BMP2K: variants seen among roughly 807,000 people sequenced by gnomAD.
BMP2K encodes BMP2 inducible kinase.
In BMP2K, 74 loss-of-function variants were observed where a neutral mutation model predicts 116.0. The observed-to-expected ratio is 0.64, with a 90% CI of 0.53 to 0.77. BMP2K has a LOEUF of 0.77. Ranked by LOEUF, BMP2K falls within the 30% of genes least tolerant of loss-of-function variation. The pLI, the probability that BMP2K is intolerant of heterozygous loss-of-function variation, is 0.00. For synonymous variants in BMP2K, 486 were observed against 502.5 expected (o/e 0.97, Z 0.44); for missense variants, 1,365 against 1,403.6 (o/e 0.97, Z 0.44).
chr4:78,819,737 G>T (rs1215223693), intron 1 of BMP2K, among the ~76,000 whole-genome samples: 1 of 152,090 alleles, frequency 6.6e-6, no homozygotes, highest in African/African-American at 2.4e-5. Context: ...AAGAAATTTA[G>T]CGGAACATTT....
chr4:78,829,773 T>TTC (rs1370773856), intron 2 of BMP2K, among the ~76,000 whole-genome samples: 18 of 105,220 alleles, frequency 1.7e-4, no homozygotes, highest in African/African-American at 6.9e-4. Flanking sequence ...TTCTTTTCTT[T>TTC]TCTTTTCTTT....
chr4:78,871,828 T>C (rs1237798670), intron 11 of BMP2K, 22 bp from the exon 12 acceptor site: 6 of 1,552,878 alleles, frequency 3.9e-6, no homozygotes, highest in Non-Finnish European at 5.3e-6. Context: ...TAACATTTAT[T>C]AATTTGATTT....
chr4:78,891,751 G>A (rs1290401014), intron 15 of BMP2K, among the ~76,000 whole-genome samples: 2 of 152,108 alleles, frequency 1.3e-5, no homozygotes, highest in Non-Finnish European at 2.9e-5. Context: ...AAGAGTTTCA[G>A]CAAATTATTG....
At chr4:78,865,517 A>G in intron 9 of BMP2K, 40 bp from the exon 10 acceptor site, 1 of 1,576,008 alleles carries the variant, frequency 6.3e-7, no homozygotes, top group Non-Finnish European at 8.7e-7. Flanking sequence ...AATTAGAAAT[A>G]ATCCCAGTAT....
chr4:78,889,992 T>C (rs937518706), intron 15 of BMP2K, among the ~76,000 whole-genome samples: 1 of 152,228 alleles, frequency 6.6e-6, no homozygotes, highest in African/African-American at 2.4e-5. Flanking sequence ...GGAATTGTGC[T>C]CTTTTTATTT....
chr4:78,847,183 G>T lies in BMP2K; in HGVS notation c.669-5G>T. ...CTCCACTCCATTTCACTCATTTACTGCCAGGTATACAACTCTGTCATACAG... is the reference window on the plus strand; with the variant it reads ...CTCCACTCCATTTCACTCATTTACTTCCAGGTATACAACTCTGTCATACAG... On this transcript the variant is annotated splice_region_variant and splice_polypyrimidine_tract_variant and intron_variant, in intron 5 of 15. Transcript: ENST00000502613. 1 of 1,479,086 alleles carries T rather than the reference G, an allele frequency of 6.8e-7. No homozygotes were observed. Among genetic ancestry groups the T allele is most frequent in the Non-Finnish European group, 9.0e-7 (1 of 1,108,594 alleles). 91.6% of individuals were successfully genotyped at this position (1,479,086 alleles called of 1,614,324 possible).
intron 1 of BMP2K, among the ~76,000 whole-genome samples, chr4:78,813,686 C>G (rs553412246): frequency 6.6e-6 from 1 of 152,188 alleles, no homozygotes; most frequent in Non-Finnish European, 1.5e-5. Context: ...TTCTTCCTAT[C>G]TTTACTCAAA....
At chr4:78,799,523 G>GT (rs1728465604) in intron 1 of BMP2K, among the ~76,000 whole-genome samples, 1 of 152,162 alleles carries the variant, frequency 6.6e-6, no homozygotes, top group African/African-American at 2.4e-5. Context: ...AAGAATTTGT[G>GT]TTTTTAGCTT....
rs1245924149 is a variant in BMP2K, at chr4:78,887,293, C to T, written c.2062+9C>T. ...TTTCATTTCTCATTCAGGCAAGTTACACATGTAACATCATCACTGTCACAA... is the reference window on the plus strand; with the variant it reads ...TTTCATTTCTCATTCAGGCAAGTTATACATGTAACATCATCACTGTCACAA... On this transcript the variant is annotated intron_variant, in intron 15 of 15. Transcript: ENST00000502613. The T allele has an allele frequency of 1.9e-6, 3 of 1,556,808 alleles. No homozygotes were observed. Among genetic ancestry groups the T allele is most frequent in the Non-Finnish European group, 2.6e-6 (3 of 1,134,506 alleles).
chr4:78,865,762 TTAA>T, intron 10 of BMP2K, 42 bp downstream of exon 10: 1 of 1,566,358 alleles, frequency 6.4e-7, no homozygotes, highest in South Asian at 1.1e-5. Flanking sequence ...AAGGTTAATG[TTAA>T]TAAACCTTTC....
chr4:78,893,382 A>G (rs1459358967), intron 15 of BMP2K, among the ~76,000 whole-genome samples: 2 of 152,170 alleles, frequency 1.3e-5, no homozygotes, highest in Non-Finnish European at 2.9e-5. Flanking sequence ...ATCATCCATG[A>G]GGGTTGGAGT....
At chr4:78,909,798 A>G (rs1033027522) in intron 15 of BMP2K, among the ~76,000 whole-genome samples, 2 of 152,050 alleles carry the variant, frequency 1.3e-5, no homozygotes, top group Non-Finnish European at 2.9e-5. Context: ...CTGACTGTAA[A>G]CCCCTGAAAG....
chr4:78,885,220 T>TA (rs1216006991), intron 14 of BMP2K, among the ~76,000 whole-genome samples: 2 of 152,230 alleles, frequency 1.3e-5, no homozygotes, highest in African/African-American at 4.8e-5. Flanking sequence ...TTCATGTAGA[T>TA]ACTGCAGAGT....
chr4:78,846,172 C>T (rs1352258558), intron 5 of BMP2K, among the ~76,000 whole-genome samples: 3 of 151,510 alleles, frequency 2.0e-5, no homozygotes, highest in Non-Finnish European at 3.0e-5. Flanking sequence ...GTTTTATTAG[C>T]GATGAACAAA....
chr4:78,881,304 C>A (rs1466681187), intron 14 of BMP2K, among the ~76,000 whole-genome samples: 1 of 152,054 alleles, frequency 6.6e-6, no homozygotes, highest in African/African-American at 2.4e-5. Context: ...TTATTAGTTT[C>A]TCAGTGGTAA....
chr4:78,852,000 G>A (rs1335549047), intron 7 of BMP2K, among the ~76,000 whole-genome samples: 1 of 151,934 alleles, frequency 6.6e-6, no homozygotes, highest in Non-Finnish European at 1.5e-5. Context: ...TATGAAGCTC[G>A]TGTAAATCAT....
chr4:78,887,417 A>G, intron 15 of BMP2K, 133 bp downstream of exon 15: 5 of 685,338 alleles, frequency 7.3e-6, no homozygotes, highest in South Asian at 6.9e-5. Flanking sequence ...ACCTTTAGCC[A>G]TCCTACTCTT....
At chr4:78,778,015 C>T (rs1727329820) in intron 1 of BMP2K, among the ~76,000 whole-genome samples, 2 of 152,286 alleles carry the variant, frequency 1.3e-5, no homozygotes, top group African/African-American at 2.4e-5. Flanking sequence ...ATTTACTATA[C>T]TATAAAGTTT....
intron 1 of BMP2K, among the ~76,000 whole-genome samples, chr4:78,812,204 C>T (rs950859841): frequency 1.3e-5 from 2 of 152,002 alleles, no homozygotes; most frequent in African/African-American, 4.8e-5. Flanking sequence ...CCTGACCTCA[C>T]GTGATCCACC....
Sources: allele counts gnomAD v4.1 joint callset (sites outside exome capture counted in the v4.1 genomes callset), GRCh38; gene constraint gnomAD v4.1.1; transcripts MANE v1.5; gene names NCBI Gene and HGNC (gene_info 2026-07-23, HGNC 2026-07-21).